PPP1R9A: variants seen among roughly 807,000 people sequenced by gnomAD.
PPP1R9A encodes neurabin-1.
PPP1R9A carries 59 observed loss-of-function variants against 141.9 expected under a neutral mutation model. That is an observed-to-expected ratio of 0.42 (90% confidence interval 0.34 to 0.52). The LOEUF is 0.52. Among genes scored for constraint, PPP1R9A ranks in the 20% least tolerant of loss-of-function variants. The pLI, the probability that PPP1R9A is intolerant of heterozygous loss-of-function variation, is 0.10. For synonymous variants in PPP1R9A, 500 were observed against 569.7 expected (o/e 0.88, Z 1.74); for missense variants, 1,444 against 1,611.9 (o/e 0.90, Z 1.78).
At chr7:94,985,230 G>C (rs1800660988) in intron 2 of PPP1R9A, among the ~76,000 whole-genome samples, 5 of 152,166 alleles carry the variant, frequency 3.3e-5, no homozygotes, top group Admixed American at 3.3e-4. Context: ...TACATTTGCT[G>C]AGGAGTGCTT....
intron 16 of PPP1R9A, among the ~76,000 whole-genome samples, chr7:95,277,921 C>T (rs1160997013): frequency 1.3e-5 from 2 of 151,960 alleles, no homozygotes; most frequent in Admixed American, 6.6e-5. Context: ...AGTGTAGTCA[C>T]GGAATGGAAA....
At chr7:94,918,785 A>C (rs552431937) in intron 2 of PPP1R9A, among the ~76,000 whole-genome samples, 5 of 152,184 alleles carry the variant, frequency 3.3e-5, no homozygotes, top group Non-Finnish European at 5.9e-5. Flanking sequence ...ATGGCTTGGA[A>C]TATATTAAAT....
At chr7:95,208,552 G>A (rs188190809) in intron 7 of PPP1R9A, among the ~76,000 whole-genome samples, 16 of 151,754 alleles carry the variant, frequency 1.1e-4, no homozygotes, top group African/African-American at 2.7e-4. Flanking sequence ...GTGAAATCCC[G>A]TCTTTACTAA....
chr7:95,116,855 A>AGT (rs897547007), intron 3 of PPP1R9A, among the ~76,000 whole-genome samples: 1 of 152,194 alleles, frequency 6.6e-6, no homozygotes, highest in African/African-American at 2.4e-5. Context: ...AAAAGATGTT[A>AGT]GTATGTGTGA....
At chr7:94,934,795 TGTG>T (rs138531475) in intron 2 of PPP1R9A, among the ~76,000 whole-genome samples, 62,938 of 151,026 alleles carry the variant, frequency 0.42, 13,883 homozygotes, top group South Asian at 0.6. Context: ...TTTTATCAAA[TGTG>T]TGTGTGTGTG....
At chr7:95,111,177 A>T (rs1342077871) in intron 2 of PPP1R9A, 82 bp from the exon 3 acceptor site, 3 of 1,344,968 alleles carry the variant, frequency 2.2e-6, no homozygotes, top group Non-Finnish European at 3.0e-6. Context: ...CATCACATGA[A>T]TGTTTAAACT....
chr7:95,076,843 G>A (rs777904662), intron 2 of PPP1R9A, among the ~76,000 whole-genome samples: 15 of 151,852 alleles, frequency 9.9e-5, no homozygotes, highest in Non-Finnish European at 2.2e-4. Flanking sequence ...TTTAGGTTAT[G>A]TTTACTAGTT....
At chr7:95,272,463 G>A (rs1802360750) in intron 14 of PPP1R9A, among the ~76,000 whole-genome samples, 1 of 152,156 alleles carries the variant, frequency 6.6e-6, no homozygotes, top group African/African-American at 2.4e-5. Context: ...AAAGAGTAAT[G>A]ATGCAAATAT....
intron 2 of PPP1R9A, among the ~76,000 whole-genome samples, chr7:95,042,381 G>C (rs74392933): frequency 6.6e-6 from 1 of 152,166 alleles, no homozygotes; most frequent in Non-Finnish European, 1.5e-5. Flanking sequence ...AGAAGAGTCA[G>C]ATGACATGTC....
At chr7:94,957,569 G>A (rs993263117) in intron 2 of PPP1R9A, among the ~76,000 whole-genome samples, 4 of 152,026 alleles carry the variant, frequency 2.6e-5, no homozygotes, top group Non-Finnish European at 4.4e-5. Flanking sequence ...GCTTAGGGAA[G>A]GGAGATGATT....
At chr7:95,263,053 G>A (rs1330814671) in intron 12 of PPP1R9A, among the ~76,000 whole-genome samples, 1 of 152,130 alleles carries the variant, frequency 6.6e-6, no homozygotes, top group Admixed American at 6.5e-5. Flanking sequence ...CACCACAGAT[G>A]TAATGAAAGA....
chr7:95,177,510 A>G (rs886164701), intron 5 of PPP1R9A, among the ~76,000 whole-genome samples: 1 of 152,158 alleles, frequency 6.6e-6, no homozygotes, highest in Middle Eastern at 3.2e-3. Flanking sequence ...AGCATGACGT[A>G]TGGAATGGTA....
At chr7:95,288,207 A>C (rs1805701331) in intron 18 of PPP1R9A, among the ~76,000 whole-genome samples, 2 of 152,234 alleles carry the variant, frequency 1.3e-5, no homozygotes, top group Non-Finnish European at 1.5e-5. Flanking sequence ...TTGCATATAG[A>C]AATTTATGAA....
At chr7:94,937,524 A>G (rs1039160549) in intron 2 of PPP1R9A, among the ~76,000 whole-genome samples, 1 of 152,208 alleles carries the variant, frequency 6.6e-6, no homozygotes, top group African/African-American at 2.4e-5. Context: ...ATCATAACAT[A>G]GATCTCCTGA....
At chr7:95,080,698 C>T (rs1045391702) in intron 2 of PPP1R9A, among the ~76,000 whole-genome samples, 2 of 152,128 alleles carry the variant, frequency 1.3e-5, no homozygotes, top group East Asian at 3.9e-4. Context: ...TATACTTCTA[C>T]TCTGTTTTTA....
At chr7:94,991,881 A>G (rs1801559144) in intron 2 of PPP1R9A, among the ~76,000 whole-genome samples, 1 of 152,064 alleles carries the variant, frequency 6.6e-6, no homozygotes, top group Non-Finnish European at 1.5e-5. Context: ...TGAACTCCTG[A>G]GCTCAAACGA....
At chr7:94,971,445 G>A (rs1303263974) in intron 2 of PPP1R9A, among the ~76,000 whole-genome samples, 1 of 152,170 alleles carries the variant, frequency 6.6e-6, no homozygotes, top group African/African-American at 2.4e-5. Context: ...AGATTTCCTA[G>A]TTATTTTCTC....
At chr7:95,128,400 A>G (rs1823955414) in intron 4 of PPP1R9A, among the ~76,000 whole-genome samples, 1 of 152,084 alleles carries the variant, frequency 6.6e-6, no homozygotes, top group Admixed American at 6.6e-5. Flanking sequence ...TTCTTTGTAG[A>G]TTCTGGGTAT....
chr7:95,037,878 G>T (rs1176332242), intron 2 of PPP1R9A, among the ~76,000 whole-genome samples: 4 of 151,914 alleles, frequency 2.6e-5, no homozygotes, highest in Admixed American at 1.3e-4. Context: ...GCCAAGGCAG[G>T]AGGATTGTTT....
Sources: gnomAD v4.1 joint callset for allele counts (sites outside exome capture counted in the v4.1 genomes callset) on GRCh38, gnomAD v4.1.1 for gene constraint, MANE v1.5 for transcripts, NCBI Gene and HGNC (gene_info 2026-07-23, HGNC 2026-07-21) for gene names.